Variants in NUP58 observed in about 807,000 individuals in gnomAD.
NUP58 encodes the protein nucleoporin p58/p45.
In NUP58, 17 loss-of-function variants were observed where a neutral mutation model predicts 70.1. The observed-to-expected ratio is 0.24, with a 90% CI of 0.17 to 0.36. The LOEUF (loss-of-function observed/expected upper bound fraction) is 0.36. NUP58 is among the 10% of genes least tolerant of loss of function. The probability of loss-of-function intolerance (pLI) is 1.00; values close to 1 mark genes in which losing one functional copy is unlikely to be tolerated. For missense variants in NUP58, 644 were observed against 701.5 expected, an observed-to-expected ratio of 0.92 and a Z score of 0.93; for synonymous variants, 275 against 257.6, an observed-to-expected ratio of 1.07 and a Z score of -0.65.
chr13:25,319,812 C>T (rs1490744580), intron 7 of NUP58, among the ~76,000 whole-genome samples: 4 of 152,092 alleles, frequency 2.6e-5, no homozygotes, highest in African/African-American at 4.8e-5. Context: ...TATATTTTCT[C>T]ACATGATTTG....
chr13:25,335,411 A>G, intron 13 of NUP58: 2 of 985,274 alleles, frequency 2.0e-6, no homozygotes, highest in Non-Finnish European at 2.4e-6. Flanking sequence ...ACCTGTGACA[A>G]ACAAGTCTCT....
In NUP58 at chr13:25,331,533, T is replaced by C. The variant is rs760446461; in HGVS notation, c.1410T>C (p.Leu470=). The part of the protein sequence containing the change: ...NAAAVAMAAT[L]TQQQQPATGP... ...CAGCCGTTGCCATGGCTGCAACACT[T>C]ACACAGCAGCAACAGCCTGCTACAG... is the stretch of plus-strand genomic sequence containing the variant. Residue 470 remains leucine, a synonymous_variant, in exon 13 of 16, where the codon CTT becomes CTC. Transcript: ENST00000381736. 1 of 1,614,004 alleles carries C rather than the reference T, an allele frequency of 6.2e-7. No individual in the cohort carries two copies.
chr13:25,325,913 G>T (rs1047648947), intron 10 of NUP58, among the ~76,000 whole-genome samples: 8 of 152,070 alleles, frequency 5.3e-5, no homozygotes, highest in Admixed American at 2.6e-4. Flanking sequence ...CTACAGAAAA[G>T]TTTCAAGATG....
intron 15 of NUP58, among the ~76,000 whole-genome samples, chr13:25,339,055 C>G (rs75274095): frequency 0.015 from 2,322 of 152,274 alleles, 80 homozygotes; most frequent in Admixed American, 0.08. Context: ...AGGAACCCAT[C>G]ATTGTGAAAG....
At position 25,321,087 on chromosome 13, in the gene NUP58, T is replaced by C. The variant is rs776729103; in HGVS notation, c.945T>C (p.Thr315=). ...TLNIDKLKIE[T]AQELKNAEIA... The stretch of plus-strand genomic sequence containing the variant: ...ACATTGACAAATTGAAAATAGAAAC[T>C]GCTCAGGTATACCAACTTATGGCCA... Residue 315 remains threonine, a synonymous_variant, in exon 9 of 16, where the codon ACT becomes ACC. Transcript: ENST00000381736. 5.7e-6 allele frequency: 9 copies of C among 1,584,138 alleles called. No individual in the cohort carries two copies. The South Asian group carries it at 1.1e-4, about 19-fold the overall frequency.
downstream of NUP58, among the ~76,000 whole-genome samples, chr13:25,346,146 G>A (rs969570474): frequency 4.6e-5 from 7 of 152,144 alleles, no homozygotes; most frequent in African/African-American, 1.4e-4. Flanking sequence ...CATATGGGTA[G>A]GATATTGTCT....
intron 1 of NUP58, among the ~76,000 whole-genome samples, chr13:25,302,098 T>C (rs2030043423): frequency 6.6e-6 from 1 of 152,266 alleles, no homozygotes; most frequent in African/African-American, 2.4e-5. Context: ...GGTTCTGTGC[T>C]GTGAGGTTTC....
chr13:25,321,424 G>A (rs1390655630), intron 9 of NUP58, among the ~76,000 whole-genome samples: 3 of 152,172 alleles, frequency 2.0e-5, no homozygotes, highest in African/African-American at 4.8e-5. Context: ...TCAGACCCTG[G>A]TAATCCAACT....
chr13:25,320,287 A>C, intron 7 of NUP58: 1 of 344,908 alleles, frequency 2.9e-6, no homozygotes, highest in Non-Finnish European at 5.2e-6. Flanking sequence ...GTATGTTTTT[A>C]ATAGATGCCA....
At chr13:25,324,097 G>A (rs1593190426) in intron 9 of NUP58, among the ~76,000 whole-genome samples, 1 of 152,158 alleles carries the variant, frequency 6.6e-6, no homozygotes, top group Admixed American at 6.6e-5. Flanking sequence ...TAGAGTCAGT[G>A]CTTAGAGAGG....
chr13:25,324,151 C>T (rs1329507047), intron 9 of NUP58, among the ~76,000 whole-genome samples: 2 of 151,986 alleles, frequency 1.3e-5, no homozygotes, highest in African/African-American at 4.8e-5. Flanking sequence ...TGTATTTGTA[C>T]TGGAGTGGGG....
chr13:25,315,340 T>C lies in NUP58; in HGVS notation c.575-17T>C. On this transcript the variant is annotated splice_polypyrimidine_tract_variant and intron_variant, in intron 5 of 15. Coordinates refer to ENST00000381736, the MANE Select transcript of NUP58 (RefSeq NM_014089.4). ...GTAGTCTTTTGATGGAATTTATAAGTTATGTTTTATTTATAGGACTTGGAC... is the reference window on the plus strand; with the variant it reads ...GTAGTCTTTTGATGGAATTTATAAGCTATGTTTTATTTATAGGACTTGGAC... 6.4e-7 allele frequency: 1 copy of C among 1,563,280 alleles called. No homozygotes were observed. The highest frequency in any genetic ancestry group is 8.8e-7 in the Non-Finnish European group (1 of 1,137,534).
intron 9 of NUP58, among the ~76,000 whole-genome samples, chr13:25,322,004 A>C (rs1040513424): frequency 1.3e-5 from 2 of 152,238 alleles, no homozygotes; most frequent in South Asian, 2.1e-4. Flanking sequence ...ATGGTGTAAT[A>C]TACAATACAT....
In NUP58 at chr13:25,333,029, A is replaced by G. The variant is rs571579876; in HGVS notation, c.1435+1471A>G. ...GTGAATTTCCATTCTATTAAATAGA[A>G]CTTGAGAAATGTCAGTTATATAAAA... On this transcript the variant is annotated intron_variant, in intron 13 of 15. Transcript: ENST00000381736. The G allele has an allele frequency of 1.2e-4, 120 of 984,568 alleles. No individual in the cohort carries two copies. In the African/African-American group the frequency reaches 2.0e-3, roughly 16 times the overall value. The allele number at this position is 984,568 out of a possible 1,614,324, so 61.0% of individuals were successfully genotyped here.
chr13:25,349,469 C>T (rs923307256), intron 3 of NUP58: 10 of 152,444 alleles, frequency 6.6e-5, no homozygotes, highest in South Asian at 2.1e-4. Context: ...GTTTAGCTTA[C>T]GTAAGGTGCT....
intron 3 of NUP58, among the ~76,000 whole-genome samples, 184 bp from the exon 4 acceptor site, chr13:25,312,699 T>C (rs910172255): frequency 2.6e-5 from 4 of 152,234 alleles, no homozygotes; most frequent in Non-Finnish European, 5.9e-5. Flanking sequence ...AGCCATCTTT[T>C]TTGTGTTCAC....
At chr13:25,313,077 A>G (rs528815260) in intron 4 of NUP58, 45 bp downstream of exon 4, 9 of 1,591,594 alleles carry the variant, frequency 5.7e-6, no homozygotes, top group African/African-American at 5.4e-5. Context: ...TTAAATTTCA[A>G]TTTTATCTGG....
downstream of NUP58, among the ~76,000 whole-genome samples, chr13:25,342,619 T>C (rs922456344): frequency 3.3e-5 from 5 of 152,170 alleles, no homozygotes; most frequent in Admixed American, 6.5e-5. Context: ...TTTTTAGTTA[T>C]AAAGAATAAT....
At position 25,307,989 on chromosome 13, in the gene NUP58, G is replaced by A. The variant is rs1301151918; in HGVS notation, c.250+41G>A. The A allele has an allele frequency of 3.1e-6, 5 of 1,604,970 alleles. No homozygotes were observed. In the Admixed American group the frequency reaches 8.5e-5, roughly 27 times the overall value. On this transcript the variant is annotated intron_variant, in intron 2 of 15. Coordinates refer to ENST00000381736, the MANE Select transcript of NUP58 (RefSeq NM_014089.4). Reference sequence around the variant, plus strand: ...TCACATTGTCAGAGAGTAGGCTTGGGATATTCTTTCCTAAATTGTGTCCTG... The same window carrying A: ...TCACATTGTCAGAGAGTAGGCTTGGAATATTCTTTCCTAAATTGTGTCCTG...
Sources: allele counts gnomAD v4.1 joint callset (sites outside exome capture counted in the v4.1 genomes callset), GRCh38; gene constraint gnomAD v4.1.1; transcripts MANE v1.5; gene names NCBI Gene and HGNC (gene_info 2026-07-23, HGNC 2026-07-21).